Variants in TOP1 observed in about 807,000 individuals in gnomAD.
TOP1 encodes the protein DNA topoisomerase 1.
Under a neutral mutation model 111.1 loss-of-function variants are expected in TOP1, and 10 were observed. The observed-to-expected ratio is 0.09, with a 90% CI of 0.06 to 0.15. The LOEUF (loss-of-function observed/expected upper bound fraction) is 0.15. TOP1 is among the 10% of genes least tolerant of loss of function. The pLI, the probability that TOP1 is intolerant of heterozygous loss-of-function variation, is 1.00. For missense variants in TOP1, 474 were observed against 926.7 expected, an observed-to-expected ratio of 0.51 and a Z score of 6.34; for synonymous variants, 271 against 302.9, an observed-to-expected ratio of 0.89 and a Z score of 1.10.
intron 8 of TOP1, among the ~76,000 whole-genome samples, chr20:41,088,777 GTTAGTTATAGAAGA>G (rs2033879396): frequency 6.6e-6 from 1 of 152,070 alleles, no homozygotes; most frequent in East Asian, 1.9e-4. Context: ...AAAGTGGTAG[GTTAGTTATAGAAGA>G]TCTTTAATAT....
intron 2 of TOP1, among the ~76,000 whole-genome samples, chr20:41,050,640 C>G (rs895859297): frequency 6.6e-6 from 1 of 152,198 alleles, no homozygotes; most frequent in South Asian, 2.1e-4. Context: ...ATGCCCTTCC[C>G]TCTCCCCTAA....
At chr20:41,107,907 C>A (rs572198583) in intron 13 of TOP1, among the ~76,000 whole-genome samples, 2 of 152,318 alleles carry the variant, frequency 1.3e-5, no homozygotes, top group South Asian at 4.1e-4. Flanking sequence ...CTTCAAGTCC[C>A]CCCTTCTTGC....
At chr20:41,107,070 C>A (rs1240980026) in intron 13 of TOP1, among the ~76,000 whole-genome samples, 2 of 152,064 alleles carry the variant, frequency 1.3e-5, no homozygotes, top group Non-Finnish European at 2.9e-5. Context: ...TTAGTGAAGA[C>A]CCAACAGTGG....
intron 2 of TOP1, among the ~76,000 whole-genome samples, chr20:41,053,101 C>G (rs536411048): frequency 6.6e-6 from 1 of 152,310 alleles, no homozygotes; most frequent in East Asian, 1.9e-4. Context: ...TCTCCCATTT[C>G]CTAGCTGGGA....
chr20:41,068,442 G>A (rs920339302), intron 3 of TOP1, among the ~76,000 whole-genome samples: 2 of 151,916 alleles, frequency 1.3e-5, no homozygotes, highest in Non-Finnish European at 2.9e-5. Flanking sequence ...GGGTCTCATT[G>A]ACTGCTAAGC....
At chr20:41,119,188 G>A (rs1180735265) in intron 18 of TOP1, among the ~76,000 whole-genome samples, 1 of 152,212 alleles carries the variant, frequency 6.6e-6, no homozygotes, top group Non-Finnish European at 1.5e-5. Flanking sequence ...TAATATCAAT[G>A]ATACTTTAAG....
chr20:41,079,971 C>T lies in TOP1; in HGVS notation c.336-114C>T, dbSNP rs77755869. 8.3e-4 allele frequency: 576 copies of T among 690,884 alleles called. 4 individuals carry two copies. The African/African-American group carries it at 9.6e-3, about 12-fold the overall frequency. The allele number at this position is 690,884 out of a possible 1,614,324, so 42.8% of individuals were successfully genotyped here. ...TCACAGAACATCTTCATGATATGTA[C>T]GTGGTTATCCTTATTTCTGTTAGCT... On this transcript the variant is annotated intron_variant, in intron 5 of 20. Coordinates refer to ENST00000361337, the MANE Select transcript of TOP1 (RefSeq NM_003286.4). The surrounding 1 kb of genome is among the most constrained non-coding windows in gnomAD (Gnocchi z 4.0).
chr20:41,091,786 GA>G (rs1265418390), intron 8 of TOP1, among the ~76,000 whole-genome samples: 2 of 151,922 alleles, frequency 1.3e-5, no homozygotes, highest in Non-Finnish European at 2.9e-5. Flanking sequence ...CCTGGATCAC[GA>G]CCTCCTGACC....
At position 41,094,084 on chromosome 20, in the gene TOP1, C is replaced by A; in HGVS notation, c.730+1497C>A. ...TAAAATAATAAATAAATAAATAAAA[C>A]ATATTTATTGAATGTATTTGTGGTC... On this transcript the variant is annotated intron_variant, in intron 9 of 20. Transcript: ENST00000361337. This position sits in a 1 kb window ranked among gnomAD's most constrained non-coding sequence, Gnocchi z 4.4. Among the ~76,000 whole-genome samples, 1 of 152,090 alleles carries A rather than the reference C, an allele frequency of 6.6e-6. No homozygotes were observed. Among genetic ancestry groups the A allele is most frequent in the East Asian group, 1.9e-4 (1 of 5,180 alleles).
chr20:41,040,104 T>C (rs901094475), intron 2 of TOP1, among the ~76,000 whole-genome samples: 41 of 152,216 alleles, frequency 2.7e-4, no homozygotes, highest in African/African-American at 9.6e-4. Context: ...AACTAAAATC[T>C]TAGAGAATAA....
At chr20:41,042,703 C>T (rs75813370) in intron 2 of TOP1, among the ~76,000 whole-genome samples, 134 of 152,284 alleles carry the variant, frequency 8.8e-4, no homozygotes, top group African/African-American at 3.0e-3. Flanking sequence ...GTCAAAAATT[C>T]GAGTTATAAC....
intron 3 of TOP1, chr20:41,072,136 C>T (rs1334952646): frequency 1.5e-6 from 1 of 665,318 alleles, no homozygotes; most frequent in Non-Finnish European, 1.9e-6. Context: ...TAATTTAGCC[C>T]TACTGAAGTT....
chr20:41,038,402 T>TA (rs972719473), intron 2 of TOP1, among the ~76,000 whole-genome samples: 59 of 152,172 alleles, frequency 3.9e-4, no homozygotes, highest in African/African-American at 1.4e-3. Flanking sequence ...TTGCCAATGC[T>TA]AAAAAACAAC....
intron 5 of TOP1, 31 bp downstream of exon 5, chr20:41,077,668 T>G: frequency 6.2e-7 from 1 of 1,604,042 alleles, no homozygotes; most frequent in Non-Finnish European, 8.5e-7. Context: ...GGGCTTCCCT[T>G]TCTCTGGGTG....
chr20:41,038,494 A>G lies in TOP1; in HGVS notation c.58+9039A>G, dbSNP rs76733410. 7.8e-3 allele frequency among the ~76,000 whole-genome samples: 1,192 copies of G among 152,228 alleles called. 11 individuals are homozygous for G. Among genetic ancestry groups the G allele is most frequent in the African/African-American group, 0.027 (1,125 of 41,530 alleles). On this transcript the variant is annotated intron_variant, in intron 2 of 20. Transcript: ENST00000361337. ...CTTTACTTTCTTTAAATTTGCACAT[A>G]TATCTATTGTGAAATTTTAACCAAG...
rs1448438787 is a variant in TOP1, at chr20:41,082,306, G to A, written c.507+1066G>A. Among the ~76,000 whole-genome samples, 3 of 152,210 alleles carry A rather than the reference G, an allele frequency of 2.0e-5. No homozygotes were observed. Among genetic ancestry groups the A allele is most frequent in the African/African-American group, 7.2e-5 (3 of 41,448 alleles). ...ATTAAATGTAATAGGTGCTTACCAT[G>A]TGCCAGGCACTCTTCTATATATGTA... On this transcript the variant is annotated intron_variant, in intron 7 of 20. Coordinates refer to ENST00000361337, the MANE Select transcript of TOP1 (RefSeq NM_003286.4). The surrounding 1 kb of genome is among the most constrained non-coding windows in gnomAD (Gnocchi z 4.1).
intron 2 of TOP1, among the ~76,000 whole-genome samples, chr20:41,038,783 C>T (rs1046621138): frequency 6.6e-6 from 1 of 152,020 alleles, no homozygotes; most frequent in Non-Finnish European, 1.5e-5. Context: ...CCCAGGAGTT[C>T]AAGATCAGCC....
At chr20:41,087,874 T>G (rs1316342477) in intron 8 of TOP1, among the ~76,000 whole-genome samples, 1 of 152,176 alleles carries the variant, frequency 6.6e-6, no homozygotes, top group East Asian at 1.9e-4. Context: ...TACTTGATTA[T>G]TCAAGTCAAG....
At position 41,118,445 on chromosome 20, in the gene TOP1, G is replaced by A. The variant is rs1009392948; in HGVS notation, c.1950+149G>A. 7.9e-6 allele frequency: 7 copies of A among 885,558 alleles called. No homozygotes were observed. The highest frequency in any genetic ancestry group is 1.2e-5 in the Non-Finnish European group (7 of 580,968). The allele number at this position is 885,558 out of a possible 1,614,324, so 54.9% of individuals were successfully genotyped here. A position where few individuals can be genotyped will look rare whatever the true frequency, so the allele number is the denominator to read the frequency against. ...ATAAACAAATGGAAATATGATAGTAGTTAATCTCTGATCAAGATACTGAAT... is the reference window on the plus strand; with the variant it reads ...ATAAACAAATGGAAATATGATAGTAATTAATCTCTGATCAAGATACTGAAT... On this transcript the variant is annotated intron_variant, in intron 18 of 20. Coordinates refer to ENST00000361337, the MANE Select transcript of TOP1 (RefSeq NM_003286.4). This position sits in a 1 kb window ranked among gnomAD's most constrained non-coding sequence, Gnocchi z 4.6.
Sources: gnomAD v4.1 joint callset for allele counts (sites outside exome capture counted in the v4.1 genomes callset) on GRCh38, gnomAD v4.1.1 for gene constraint, Gnocchi (gnomAD v3.1) non-coding constraint, MANE v1.5 for transcripts, NCBI Gene and HGNC (gene_info 2026-07-23, HGNC 2026-07-21) for gene names.